The following FER1L6 variants were observed in gnomAD, a reference collection of about 807,000 sequenced individuals.
FER1L6 encodes fer-1 like family member 6, also known as fer-1-like protein 6.
Under a neutral mutation model 219.2 loss-of-function variants are expected in FER1L6, and 177 were observed. That is an observed-to-expected ratio of 0.81 (90% CI 0.71 to 0.91). FER1L6 has a LOEUF of 0.91. Ranked by LOEUF, FER1L6 falls within the 40% of genes least tolerant of loss-of-function variation. The pLI, the probability that FER1L6 is intolerant of heterozygous loss-of-function variation, is 0.00. For synonymous variants in FER1L6, 768 were observed against 824.3 expected (o/e 0.93, Z 1.17); for missense variants, 2,153 against 2,259.9 (o/e 0.95, Z 0.96).
intron 1 of FER1L6, among the ~76,000 whole-genome samples, chr8:123,909,395 C>G (rs1813012721): frequency 6.6e-6 from 1 of 152,066 alleles, no homozygotes; most frequent in Admixed American, 6.5e-5. Context: ...ATGGAGATGA[C>G]TTGTTGAAAA....
intron 21 of FER1L6, chr8:124,046,517 T>G (rs1312010429): frequency 2.0e-5 from 3 of 152,220 alleles, no homozygotes; most frequent in Non-Finnish European, 2.9e-5. Context: ...ACAAATATTC[T>G]TTTCTTAAAT....
intron 2 of FER1L6, among the ~76,000 whole-genome samples, chr8:123,961,304 C>T (rs948722860): frequency 6.6e-6 from 1 of 151,982 alleles, no homozygotes; most frequent in African/African-American, 2.4e-5. Flanking sequence ...TGGGCCCCAC[C>T]CAGACCTACT....
intron 5 of FER1L6, among the ~76,000 whole-genome samples, chr8:123,966,617 G>A (rs894408588): frequency 6.6e-6 from 1 of 152,096 alleles, no homozygotes; most frequent in Non-Finnish European, 1.5e-5. Flanking sequence ...TGTCGGTTAG[G>A]GAGAAGATAC....
intron 1 of FER1L6, among the ~76,000 whole-genome samples, chr8:123,910,191 A>C (rs1289994791): frequency 6.6e-6 from 1 of 152,202 alleles, no homozygotes; most frequent in South Asian, 2.1e-4. Flanking sequence ...TCTGCTGATC[A>C]GTGGTCTAGG....
At chr8:123,856,316 G>GTA (rs1554608009) in intron 1 of FER1L6, among the ~76,000 whole-genome samples, 10,653 of 44,916 alleles carry the variant, frequency 0.24, 2,129 homozygotes, top group East Asian at 0.37. Flanking sequence ...ATATGTATGT[G>GTA]TATATATATA....
intron 1 of FER1L6, among the ~76,000 whole-genome samples, chr8:123,908,068 TAA>T (rs1304282954): frequency 6.6e-6 from 1 of 152,122 alleles, no homozygotes; most frequent in Non-Finnish European, 1.5e-5. Context: ...CCATACCTGA[TAA>T]ACTGTTAGAT....
intron 32 of FER1L6, among the ~76,000 whole-genome samples, chr8:124,080,128 A>C (rs1821475373): frequency 6.6e-6 from 1 of 152,142 alleles, no homozygotes; most frequent in Non-Finnish European, 1.5e-5. Flanking sequence ...CCAAATGAAC[A>C]ATGGAACATT....
Position 123,939,567 on chromosome 8 carries a change from G to T in FER1L6, c.-7-16425G>T, listed in dbSNP as rs114205277. Among the ~76,000 whole-genome samples the T allele has an allele frequency of 5.8e-3, 884 of 152,314 alleles. 14 individuals carry two copies. Among genetic ancestry groups the T allele is most frequent in the African/African-American group, 0.02 (819 of 41,566 alleles). ...GAAGGGAAGGAAAATTGCCTAGAAA[G>T]AATCTTCTAAGAAAGTTTCCTGCAG... On this transcript the variant is annotated intron_variant, in intron 1 of 40. Transcript: ENST00000522917.
intron 39 of FER1L6, among the ~76,000 whole-genome samples, chr8:124,115,585 T>C (rs1238972239): frequency 6.6e-6 from 1 of 152,184 alleles, no homozygotes. Context: ...TCTGGTACTT[T>C]CTCTATGGGC....
chr8:123,968,232 G>A (rs1815647380), intron 5 of FER1L6, among the ~76,000 whole-genome samples: 1 of 152,138 alleles, frequency 6.6e-6, no homozygotes, highest in African/African-American at 2.4e-5. Context: ...AAGCTCTACA[G>A]ATTTATTAAT....
intron 1 of FER1L6, among the ~76,000 whole-genome samples, chr8:123,880,299 C>T (rs774857356): frequency 2.5e-4 from 38 of 152,208 alleles, no homozygotes; most frequent in Non-Finnish European, 4.1e-4. Flanking sequence ...CTGTATTTAA[C>T]GCCGCCTCTT....
chr8:124,037,785 G>T (rs965297355), intron 19 of FER1L6, among the ~76,000 whole-genome samples: 1 of 152,098 alleles, frequency 6.6e-6, no homozygotes. Flanking sequence ...GGCACCCCCT[G>T]CCTTTCCTGT....
chr8:123,998,895 C>T (rs1817274640), intron 12 of FER1L6, among the ~76,000 whole-genome samples: 1 of 152,148 alleles, frequency 6.6e-6, no homozygotes, highest in African/African-American at 2.4e-5. Context: ...TCACTCAAGG[C>T]CCAAGGGCTC....
chr8:124,098,610 G>C (rs1385876438), intron 37 of FER1L6, among the ~76,000 whole-genome samples: 2 of 152,110 alleles, frequency 1.3e-5, no homozygotes, highest in Non-Finnish European at 2.9e-5. Flanking sequence ...AGGAGTAATA[G>C]AAGGAGCATG....
Position 123,926,827 on chromosome 8 carries a change from A to G in FER1L6, c.-7-29165A>G, listed in dbSNP as rs571599980. Reference sequence around the variant, plus strand: ...ATTCTAAGTAATATATCTATTTGCTATAGAAATATTACATTTTACTATGAA... The same window carrying G: ...ATTCTAAGTAATATATCTATTTGCTGTAGAAATATTACATTTTACTATGAA... On this transcript the variant is annotated intron_variant, in intron 1 of 40. Transcript: ENST00000522917. Among the ~76,000 whole-genome samples the G allele has an allele frequency of 2.4e-4, 37 of 152,314 alleles. 1 individual carries two copies. In the South Asian group the frequency reaches 7.5e-3, roughly 31 times the overall value.
chr8:123,919,406 A>G (rs753557688), intron 1 of FER1L6, among the ~76,000 whole-genome samples: 2 of 152,214 alleles, frequency 1.3e-5, no homozygotes, highest in Non-Finnish European at 2.9e-5. Flanking sequence ...ATAAAGGTCA[A>G]TTGTGGAAGG....
chr8:124,109,033 C>T (rs1822901406), intron 39 of FER1L6, among the ~76,000 whole-genome samples: 1 of 152,088 alleles, frequency 6.6e-6, no homozygotes. Context: ...GAAATGGCTA[C>T]GTTGTCTGGG....
At position 123,881,802 on chromosome 8, in the gene FER1L6, G is replaced by C. The variant is rs531779230; in HGVS notation, c.-8+29617G>C. ...CAGACCAGCAATAATGTAGATTACG[G>C]GTCCTGTTTTCTCAAGTTGTGTCAG... On this transcript the variant is annotated intron_variant, in intron 1 of 40. Transcript: ENST00000522917. Among the ~76,000 whole-genome samples, 6 of 152,198 alleles carry C rather than the reference G, an allele frequency of 3.9e-5. No homozygotes were observed. The East Asian group carries it at 7.7e-4, about 20-fold the overall frequency.
chr8:124,091,377 T>C, intron 33 of FER1L6, 46 bp from the exon 34 acceptor site: 1 of 1,540,714 alleles, frequency 6.5e-7, no homozygotes, highest in South Asian at 1.1e-5. Context: ...TACTGGGTGG[T>C]TCTTTAAGTG....
Sources: allele counts gnomAD v4.1 joint callset (sites outside exome capture counted in the v4.1 genomes callset), GRCh38; gene constraint gnomAD v4.1.1; transcripts MANE v1.5; gene names NCBI Gene and HGNC (gene_info 2026-07-23, HGNC 2026-07-21).